Variants in CLDN15 observed in about 807,000 individuals in gnomAD.
CLDN15 encodes the protein claudin-15.
CLDN15 carries 9 observed loss-of-function variants against 24.5 expected under a neutral mutation model. The ratio of observed to expected loss-of-function variants is 0.37; its 90% confidence interval spans 0.22 to 0.64. The LOEUF (loss-of-function observed/expected upper bound fraction) is 0.64. Among genes scored for constraint, CLDN15 ranks in the 30% least tolerant of loss-of-function variants. The pLI is 0.63. For synonymous variants in CLDN15, 149 were observed against 131.4 expected (o/e 1.13, Z -0.92); for missense variants, 248 against 305.9 (o/e 0.81, Z 1.41).
intron 1 of CLDN15, among the ~76,000 whole-genome samples, chr7:101,234,973 G>A (rs940356883): frequency 6.6e-6 from 1 of 152,130 alleles, no homozygotes; most frequent in Non-Finnish European, 1.5e-5. Context: ...TGTACTGTGG[G>A]ATGTTCAGAA....
chr7:101,237,341 C>T lies in CLDN15; in HGVS notation c.217+24G>A. On this transcript the variant is annotated intron_variant, in intron 1 of 4. Coordinates refer to ENST00000308344, the MANE Select transcript of CLDN15 (RefSeq NM_014343.3). This position sits in a 1 kb window ranked among gnomAD's most constrained non-coding sequence, Gnocchi z 4.0. ...TGCAGCTTCCCCGCCGCCCTCTCTC[C>T]CTGGAGCGCTCCCCACCCCATACCA... 6.6e-7 allele frequency: 1 copy of T among 1,512,724 alleles called. No individual in the cohort carries two copies. Among genetic ancestry groups the T allele is most frequent in the Non-Finnish European group, 9.1e-7 (1 of 1,099,408 alleles). 93.7% of individuals were successfully genotyped at this position (1,512,724 alleles called of 1,614,324 possible).
At chr7:101,236,480 G>C (rs1382645557) in intron 1 of CLDN15, among the ~76,000 whole-genome samples, 1 of 152,196 alleles carries the variant, frequency 6.6e-6, no homozygotes, top group Non-Finnish European at 1.5e-5. Flanking sequence ...CTGCCACACG[G>C]TGCCTGGTGA....
At chr7:101,238,407 C>T (rs1798676799), upstream of CLDN15, 1 of 152,446 alleles carries the variant, frequency 6.6e-6, no homozygotes, top group Admixed American at 6.5e-5. Context: ...AGAACTGGGA[C>T]CAGGGGCCGG....
At chr7:101,236,270 G>T (rs978109134) in intron 1 of CLDN15, among the ~76,000 whole-genome samples, 2 of 151,766 alleles carry the variant, frequency 1.3e-5, no homozygotes, top group Non-Finnish European at 2.9e-5. Context: ...TGGGGGGGGG[G>T]CCCGCCGGCC....
rs1798584457 is a variant in CLDN15, at chr7:101,234,354, G to A, written c.306C>T (p.Cys102=). 4.3e-6 allele frequency: 7 copies of A among 1,612,166 alleles called. No individual in the cohort carries two copies. The highest frequency in any genetic ancestry group is 5.9e-6 in the Non-Finnish European group (7 of 1,179,380). Residue 102 remains cysteine (C), a synonymous_variant, in exon 2 of 5, where the codon TGC becomes TGT. Coordinates refer to ENST00000308344, the MANE Select transcript of CLDN15 (RefSeq NM_014343.3). ...GLLLGIAGLR[C]TNIGGLELSR... ...AGAGCTCCAGGCCCCCAATGTTGGT[G>A]CAGCGCAGGCCCGCTATGCCTAGCA...
chr7:101,237,671 G>C lies in CLDN15; in HGVS notation c.-90C>G, dbSNP rs902543468. ...ACTGGAAGGGGCTGCGGCTAAGGAG[G>C]GTTGTCCAGGCAGGCTGGGGTGGAA... On this transcript the variant is annotated 5_prime_UTR_variant, in exon 1 of 5. Transcript: ENST00000308344. This position sits in a 1 kb window ranked among gnomAD's most constrained non-coding sequence, Gnocchi z 4.0. The C allele has an allele frequency of 1.1e-6, 1 of 900,230 alleles. No individual in the cohort carries two copies. Among genetic ancestry groups the C allele is most frequent in the African/African-American group, 1.6e-5 (1 of 60,830 alleles). 55.8% of individuals were successfully genotyped at this position (900,230 alleles called of 1,614,324 possible).
intron 1 of CLDN15, 69 bp from the exon 2 acceptor site, chr7:101,234,511 C>T: frequency 8.8e-7 from 1 of 1,140,206 alleles, no homozygotes; most frequent in Non-Finnish European, 1.3e-6. Context: ...AACAGCCCCT[C>T]ACCATCCCAG....
rs763468845 is a variant in CLDN15, at chr7:101,232,817, G to A, written c.464+16C>T. Reference sequence around the variant, plus strand: ...CGCTGCCCCGAGGGCGGGGGGTGGGGGGTTTCCTCACTCACTTGGTTCCGG... The same window carrying A: ...CGCTGCCCCGAGGGCGGGGGGTGGGAGGTTTCCTCACTCACTTGGTTCCGG... On this transcript the variant is annotated intron_variant, in intron 3 of 4. Transcript: ENST00000308344. 6.2e-7 allele frequency: 1 copy of A among 1,605,636 alleles called. No homozygotes were observed. The highest frequency in any genetic ancestry group is 8.5e-7 in the Non-Finnish European group (1 of 1,172,792).
chr7:101,236,672 G>T, intron 1 of CLDN15: 1 of 1,195,068 alleles, frequency 8.4e-7, no homozygotes, highest in Non-Finnish European at 1.1e-6. Flanking sequence ...AGAAAGAACT[G>T]CCCTGGGCCC....
Position 101,234,290 on chromosome 7 carries a change from G to T in CLDN15, c.370C>A (p.His124Asn). The T allele has an allele frequency of 6.2e-7, 1 of 1,607,290 alleles. No homozygotes were observed. The highest frequency in any genetic ancestry group is 8.5e-7 in the Non-Finnish European group (1 of 1,178,966). Residue 124 changes from histidine to asparagine, a missense_variant, in exon 2 of 5, where the codon CAC becomes AAC. By Grantham distance (68) the His-to-Asn change is moderately conservative (BLOSUM62 1). Coordinates refer to ENST00000308344, the MANE Select transcript of CLDN15 (RefSeq NM_014343.3). ...AKLAATAGAL[H>N]ILAGICGMVA... ...TTCCCCCAGTTACCGGCCAGAATGT[G>T]GAGGGCCCCTGCGGTGGCCGCCAGC...
rs574782398 is a variant in CLDN15 at position 101,237,240 on chromosome 7, G to A, written c.217+125C>T. 81 of 711,126 alleles carry A rather than the reference G, an allele frequency of 1.1e-4. No individual in the cohort carries two copies. The highest frequency in any genetic ancestry group is 8.9e-4 in the East Asian group (33 of 36,992). 44.1% of individuals were successfully genotyped at this position (711,126 alleles called of 1,614,324 possible). ...GGCCGCCCCCAGCACTCCTGGCTGC[G>A]GGAACTCAGACCCGCAGAGCTTAAT... On this transcript the variant is annotated intron_variant, in intron 1 of 4. Coordinates refer to ENST00000308344, the MANE Select transcript of CLDN15 (RefSeq NM_014343.3). The surrounding 1 kb of genome is among the most constrained non-coding windows in gnomAD (Gnocchi z 4.0).
rs1390265079 is a variant in CLDN15 at position 101,234,392 on chromosome 7, A to T, written c.268T>A (p.Phe90Ile). Residue 90 changes from phenylalanine (F) to isoleucine (I), a missense_variant, in exon 2 of 5, where the codon TTC becomes ATC. Physicochemically the swap from Phe to Ile is conservative, Grantham distance 21. Transcript: ENST00000308344. ...ALMITAILLG[F>I]LGLLLGIAGL... ...GCTATGCCTAGCAAGAGGCCGAGGA[A>T]GCCCAGGAGGATGGCGGTGATCATG... 6.2e-7 allele frequency: 1 copy of T among 1,613,012 alleles called. No individual in the cohort carries two copies. The highest frequency in any genetic ancestry group is 1.3e-5 in the African/African-American group (1 of 74,888).
chr7:101,234,706 C>T (rs940426759), intron 1 of CLDN15, among the ~76,000 whole-genome samples: 10 of 151,998 alleles, frequency 6.6e-5, no homozygotes, highest in Admixed American at 2.6e-4. Flanking sequence ...GGATTACAGG[C>T]ATGAGCCACT....
upstream of CLDN15, chr7:101,238,110 C>A (rs1319768654): frequency 5.3e-6 from 1 of 189,258 alleles, no homozygotes; most frequent in Non-Finnish European, 1.1e-5. Flanking sequence ...GGGACAGAGA[C>A]GGAGAGAGAA....
chr7:101,232,372 G>A lies in CLDN15; in HGVS notation c.*38C>T. On this transcript the variant is annotated 3_prime_UTR_variant, in exon 5 of 5. Transcript: ENST00000308344. ...CCCCGGCCAGGTCCCCTCTCCTTGG[G>A]GCAGTGGGAAGACAGCGGGGCCCAC... is the stretch of plus-strand genomic sequence containing the variant. 1 of 1,453,836 alleles carries A rather than the reference G, an allele frequency of 6.9e-7. No homozygotes were observed. The highest frequency in any genetic ancestry group is 9.6e-7 in the Non-Finnish European group (1 of 1,038,920). The allele number at this position is 1,453,836 out of a possible 1,614,324, so 90.1% of individuals were successfully genotyped here.
chr7:101,232,147 G>C lies in CLDN15; in HGVS notation c.*263C>G. On this transcript the variant is annotated 3_prime_UTR_variant, in exon 5 of 5. Coordinates refer to ENST00000308344, the MANE Select transcript of CLDN15 (RefSeq NM_014343.3). ...ATGTATTTATACACAATACAAACGT[G>C]CGGGGACACCGTCCCCTTCACAGCC... 1 of 459,696 alleles carries C rather than the reference G, an allele frequency of 2.2e-6. No individual in the cohort carries two copies. Among genetic ancestry groups the C allele is most frequent in the Non-Finnish European group, 3.9e-6 (1 of 258,094 alleles). 28.5% of individuals were successfully genotyped at this position (459,696 alleles called of 1,614,324 possible).
upstream of CLDN15, chr7:101,238,050 AAG>A (rs1293937833): frequency 4.3e-6 from 1 of 232,796 alleles, no homozygotes; most frequent in Non-Finnish European, 8.7e-6. Context: ...AGAACGGAGT[AAG>A]AGGGACAAGG....
At chr7:101,233,931 A>G in intron 2 of CLDN15, 1 of 434,672 alleles carries the variant, frequency 2.3e-6, no homozygotes, top group Admixed American at 2.7e-5. Flanking sequence ...GTGGTATGGC[A>G]CTGTGGACGT....
rs754724692 is a variant in CLDN15, at chr7:101,237,533, G to A, written c.49C>T (p.Leu17=). 6.0e-5 allele frequency: 97 copies of A among 1,614,062 alleles called. No individual in the cohort carries two copies. Among genetic ancestry groups the A allele is most frequent in the Non-Finnish European group, 8.1e-5 (95 of 1,180,022 alleles). ...TFGFFMATVG[L]LMLGVTLPNS... is the part of the protein sequence containing the mutation. ...GGCAGAGTCACCCCCAGCATCAGCA[G>A]CCCCACAGTTGCCATGAAGAAGCCA... The change falls in exon 1 of 5, where the codon CTG becomes TTG. Residue 17 remains leucine, a synonymous_variant. Transcript: ENST00000308344. The surrounding 1 kb of genome is among the most constrained non-coding windows in gnomAD (Gnocchi z 4.0).
Sources: allele counts gnomAD v4.1 joint callset (sites outside exome capture counted in the v4.1 genomes callset), GRCh38; gene constraint gnomAD v4.1.1; non-coding constraint Gnocchi (gnomAD v3.1); transcripts MANE v1.5; gene names NCBI Gene and HGNC (gene_info 2026-07-23, HGNC 2026-07-21).